The following MAGI2 variants were observed in gnomAD, a reference collection of about 807,000 sequenced individuals.
The protein encoded by MAGI2 is membrane-associated guanylate kinase, WW and PDZ domain-containing protein 2.
In MAGI2, 35 loss-of-function variants were observed where a neutral mutation model predicts 133.3. The observed-to-expected ratio is 0.26, with a 90% CI of 0.20 to 0.35. MAGI2 has a LOEUF of 0.35. MAGI2 is among the 10% of genes least tolerant of loss of function. MAGI2 has a pLI of 1.00. For synonymous variants in MAGI2, 729 were observed against 710.6 expected (o/e 1.03, Z -0.41); for missense variants, 1,636 against 1,863.4 (o/e 0.88, Z 2.25).
chr7:78,343,346 G>A (rs4556031), intron 9 of MAGI2, among the ~76,000 whole-genome samples: 102,191 of 151,944 alleles, frequency 0.67, 35,239 homozygotes, highest in African/African-American at 0.8. Flanking sequence ...CCAGTTTAAA[G>A]TTTTCCGTAT....
intron 1 of MAGI2, among the ~76,000 whole-genome samples, chr7:79,079,822 A>G (rs1254045901): frequency 2.0e-5 from 3 of 152,150 alleles, no homozygotes; most frequent in African/African-American, 7.2e-5. Flanking sequence ...TACAGAACAC[A>G]GAAATGTATG....
intron 2 of MAGI2, among the ~76,000 whole-genome samples, chr7:78,871,667 A>G (rs1204113713): frequency 6.6e-6 from 1 of 152,122 alleles, no homozygotes; most frequent in African/African-American, 2.4e-5. Flanking sequence ...AGCTAGAGGA[A>G]AGGATAGGGA....
intron 6 of MAGI2, chr7:78,486,553 T>G (rs1356326751): frequency 4.1e-6 from 1 of 241,140 alleles, no homozygotes; most frequent in African/African-American, 2.3e-5. Flanking sequence ...CCACCTGACA[T>G]GTTGTGTCTG....
chr7:78,504,324 A>G (rs1335915000), intron 4 of MAGI2, among the ~76,000 whole-genome samples: 1 of 151,296 alleles, frequency 6.6e-6, no homozygotes, highest in Non-Finnish European at 1.5e-5. Context: ...ATATTTTTGA[A>G]ATATCTCCTA....
Position 78,885,454 on chromosome 7 carries a change from G to T in MAGI2, c.418+121636C>A, listed in dbSNP as rs1639484195. ...TTCAATGTGTCTTACACTATCCTGA[G>T]GCTTTATACTGTGCTAAGGCTATGA... is the stretch of plus-strand genomic sequence containing the variant. On this transcript the variant is annotated intron_variant, in intron 2 of 21. Transcript: ENST00000354212. 3.9e-5 allele frequency among the ~76,000 whole-genome samples: 6 copies of T among 152,118 alleles called. No homozygotes were observed. In the South Asian group the frequency reaches 1.2e-3, roughly 31 times the overall value.
intron 6 of MAGI2, among the ~76,000 whole-genome samples, chr7:78,434,769 T>G (rs913502449): frequency 6.6e-6 from 1 of 151,944 alleles, no homozygotes; most frequent in Non-Finnish European, 1.5e-5. Flanking sequence ...GGGAAATGAA[T>G]GGAAGTACAG....
At position 78,648,469 on chromosome 7, in the gene MAGI2, A is replaced by G. The variant is rs553829830; in HGVS notation, c.419-21230T>C. On this transcript the variant is annotated intron_variant, in intron 2 of 21. Transcript: ENST00000354212. ...GAAACCTGAAATATTGTTGATCCTT[A>G]TGATTTTCTTTCACCATCTTATCCA... 1.1e-4 allele frequency among the ~76,000 whole-genome samples: 17 copies of G among 152,296 alleles called. No homozygotes were observed. In the East Asian group the frequency reaches 3.1e-3, roughly 28 times the overall value.
In MAGI2 at chr7:78,622,379, C is replaced by T. The variant is rs150221967; in HGVS notation, c.538+4741G>A. Among the ~76,000 whole-genome samples, 509 of 152,100 alleles carry T rather than the reference C, an allele frequency of 3.3e-3. 5 individuals are homozygous for T. The highest frequency in any genetic ancestry group is 0.012 in the African/African-American group (481 of 41,516). On this transcript the variant is annotated intron_variant, in intron 3 of 21. Transcript: ENST00000354212. ...ACAATACTGCGAAGGCATGAGACTGCAGTAGGCGAGGAGGAGGAAAGGGAA... is the reference window on the plus strand; with the variant it reads ...ACAATACTGCGAAGGCATGAGACTGTAGTAGGCGAGGAGGAGGAAAGGGAA...
intron 2 of MAGI2, among the ~76,000 whole-genome samples, chr7:79,003,484 A>G (rs1003757548): frequency 1.3e-5 from 2 of 152,210 alleles, no homozygotes; most frequent in African/African-American, 4.8e-5. Context: ...TCATTAATGC[A>G]TGCATGTATA....
chr7:79,435,153 A>C (rs1329248988), intron 1 of MAGI2, among the ~76,000 whole-genome samples: 1 of 152,190 alleles, frequency 6.6e-6, no homozygotes, highest in Non-Finnish European at 1.5e-5. Context: ...CCTTGTAACT[A>C]TCAGTTAATC....
chr7:78,398,941 A>G (rs997825213), intron 6 of MAGI2, among the ~76,000 whole-genome samples: 2 of 152,284 alleles, frequency 1.3e-5, no homozygotes, highest in African/African-American at 4.8e-5. Context: ...ATTTTCTTTG[A>G]CAATGAACCA....
intron 2 of MAGI2, among the ~76,000 whole-genome samples, chr7:78,966,200 A>G (rs1271305630): frequency 1.3e-5 from 2 of 152,110 alleles, no homozygotes; most frequent in East Asian, 3.9e-4. Context: ...GTTTACCATG[A>G]GATCTATCCT....
intron 1 of MAGI2, among the ~76,000 whole-genome samples, chr7:79,049,042 T>G (rs1812434475): frequency 6.6e-6 from 1 of 152,186 alleles, no homozygotes; most frequent in African/African-American, 2.4e-5. Flanking sequence ...TGTTGCCAAC[T>G]TCAAGATGAT....
chr7:78,942,871 A>G (rs1386968886), intron 2 of MAGI2, among the ~76,000 whole-genome samples: 1 of 150,126 alleles, frequency 6.7e-6, no homozygotes, highest in Non-Finnish European at 1.5e-5. Context: ...TGGATAGTGC[A>G]GAATCTAGGG....
At chr7:79,219,101 A>G (rs1051697987) in intron 1 of MAGI2, among the ~76,000 whole-genome samples, 4 of 152,156 alleles carry the variant, frequency 2.6e-5, no homozygotes, top group Admixed American at 6.5e-5. Flanking sequence ...ATAATAACAA[A>G]TGGTGTATTA....
intron 9 of MAGI2, among the ~76,000 whole-genome samples, chr7:78,292,120 T>C (rs1279923727): frequency 3.3e-5 from 5 of 152,072 alleles, no homozygotes; most frequent in Non-Finnish European, 7.4e-5. Context: ...GGGTATTCAA[T>C]TAGGAAAAGA....
intron 1 of MAGI2, among the ~76,000 whole-genome samples, chr7:79,139,028 A>G (rs1165479801): frequency 6.6e-6 from 1 of 151,452 alleles, no homozygotes; most frequent in African/African-American, 2.4e-5. Flanking sequence ...ATGTGTGTGT[A>G]CAGAGAAAAG....
intron 7 of MAGI2, chr7:78,359,328 C>T (rs1792525173): frequency 6.6e-6 from 1 of 152,148 alleles, no homozygotes; most frequent in South Asian, 2.1e-4. Context: ...CATGATCTTA[C>T]TGTTATTCAA....
intron 3 of MAGI2, among the ~76,000 whole-genome samples, chr7:78,541,196 T>C (rs1373824358): frequency 6.6e-6 from 1 of 151,602 alleles, no homozygotes; most frequent in African/African-American, 2.4e-5. Flanking sequence ...CAATAAGGAT[T>C]TTTTTTTTAA....
Sources: allele counts gnomAD v4.1 joint callset (sites outside exome capture counted in the v4.1 genomes callset), GRCh38; gene constraint gnomAD v4.1.1; transcripts MANE v1.5; gene names NCBI Gene and HGNC (gene_info 2026-07-23, HGNC 2026-07-21).